FAM153A: variants seen among roughly 807,000 people sequenced by gnomAD.
The protein encoded by FAM153A is family with sequence similarity 153 member A.
Under a neutral mutation model 48.1 loss-of-function variants are expected in FAM153A, and 12 were observed. The ratio of observed to expected loss-of-function variants is 0.25; its 90% CI spans 0.16 to 0.40. The LOEUF (loss-of-function observed/expected upper bound fraction) is 0.40, where lower values mean the gene tolerates loss of function less well. FAM153A is among the 10% of genes least tolerant of loss of function. The pLI is 1.00. For synonymous variants in FAM153A, 36 were observed against 118.2 expected (o/e 0.30, Z 4.51); for missense variants, 111 against 345.8 (o/e 0.32, Z 5.38).
At chr5:177,782,928 C>T (rs1401303234), upstream of FAM153A, 1 of 93,780 alleles carries the variant, frequency 1.1e-5, no homozygotes, top group African/African-American at 4.2e-5. Flanking sequence ...CCCAGGACCA[C>T]GGACGGAAAA....
intron 2 of FAM153A, among the ~76,000 whole-genome samples, chr5:177,748,933 A>C (rs557539244): frequency 2.1e-5 from 3 of 144,348 alleles, no homozygotes; most frequent in Admixed American, 1.4e-4. Context: ...ACTGCGAAAA[A>C]GGCAGAGTTC....
the FAM153A span, among the ~76,000 whole-genome samples, chr5:177,700,142 T>A: frequency 6.6e-6 from 1 of 151,908 alleles, no homozygotes; most frequent in East Asian, 1.9e-4. Context: ...AAGCATTTGA[T>A]AAAATTCAAA....
At chr5:177,735,189 C>A (rs2014602) in intron 12 of FAM153A, among the ~76,000 whole-genome samples, 20,935 of 149,452 alleles carry the variant, frequency 0.14, 2,370 homozygotes, top group African/African-American at 0.27. Context: ...CCTAATCTGA[C>A]CTGAGCTAAC....
At chr5:177,699,063 G>A in the FAM153A span, among the ~76,000 whole-genome samples, 1 of 151,754 alleles carries the variant, frequency 6.6e-6, no homozygotes, top group Non-Finnish European at 1.5e-5. Context: ...AGCATCCCAA[G>A]TAGCTGGGTC....
intron 10 of FAM153A, among the ~76,000 whole-genome samples, chr5:177,737,482 C>T (rs1240919491): frequency 1.3e-5 from 2 of 151,096 alleles, no homozygotes; most frequent in Non-Finnish European, 2.9e-5. Flanking sequence ...CCAGGATCCA[C>T]ATGTCCTGCT....
In FAM153A at chr5:177,716,961, C is replaced by T. The variant is rs1456678413; in HGVS notation, c.*1151+202G>A. On this transcript the variant is annotated intron_variant and NMD_transcript_variant, in intron 24 of 26. Transcript: ENST00000360669. The stretch of plus-strand genomic sequence containing the variant: ...CCACAGTAGCATGCCACCATTCCCG[C>T]TTAGTGTGTGTGTGTGTGTGTGTGT... Among the ~76,000 whole-genome samples, 6 of 64,972 alleles carry T rather than the reference C, an allele frequency of 9.2e-5. No individual in the cohort carries two copies. The Admixed American group carries it at 1.0e-3, about 11-fold the overall frequency. 42.6% of individuals were successfully genotyped at this position (64,972 alleles called of 152,430 possible).
At chr5:177,761,511 C>T (rs1768318966) in intron 1 of FAM153A, among the ~76,000 whole-genome samples, 1 of 151,612 alleles carries the variant, frequency 6.6e-6, no homozygotes, top group African/African-American at 2.4e-5. Context: ...TGCCTCTGGC[C>T]TGGGCAACTG....
chr5:177,754,704 C>T (rs973033696), upstream of FAM153A, among the ~76,000 whole-genome samples: 10 of 151,932 alleles, frequency 6.6e-5, 1 homozygote, highest in African/African-American at 2.4e-4. Context: ...GCAGCCTCCA[C>T]TGCTGACACC....
rs1338507873 is a variant in FAM153A at position 177,768,914 on chromosome 5, C to T, written c.-57+11535G>A. On this transcript the variant is annotated intron_variant, in intron 1 of 8. Transcript: ENST00000393518. ...ATTACATGGGCATTGTATCACTTCA[C>T]ATCATCACAAGAAAAAGGGTGAGAA... is the stretch of plus-strand genomic sequence containing the variant. Among the ~76,000 whole-genome samples the T allele has an allele frequency of 2.8e-5, 3 of 105,924 alleles. 1 individual carries two copies. Among genetic ancestry groups the T allele is most frequent in the Non-Finnish European group, 5.9e-5 (3 of 50,826 alleles). The allele number at this position is 105,924 out of a possible 152,430, so 69.5% of individuals were successfully genotyped here.
chr5:177,781,797 C>A (rs1462236951), upstream of FAM153A: 1 of 97,604 alleles, frequency 1.0e-5, no homozygotes. Flanking sequence ...CGGCTCACTG[C>A]AAGCTGCGCC....
rs578035054 is a variant in FAM153A at position 177,728,417 on chromosome 5, C to T, written c.964+606G>A. Among the ~76,000 whole-genome samples, 583 of 149,292 alleles carry T rather than the reference C, an allele frequency of 3.9e-3. 23 individuals are homozygous for T. Among genetic ancestry groups the T allele is most frequent in the African/African-American group, 0.014 (551 of 39,416 alleles). On this transcript the variant is annotated intron_variant, in intron 18 of 20. Transcript: ENST00000614127. ...GGAAATGCACACACACTCACAAAGA[C>T]ATCCACAATCATTCCATATAGACTC...
At chr5:177,698,788 A>G in the FAM153A span, among the ~76,000 whole-genome samples, 1 of 150,896 alleles carries the variant, frequency 6.6e-6, no homozygotes, top group African/African-American at 2.5e-5. Flanking sequence ...CATCCTGAGT[A>G]GCTGGGACCA....
downstream of FAM153A, among the ~76,000 whole-genome samples, chr5:177,704,985 A>G (rs1197243793): frequency 6.7e-6 from 1 of 149,476 alleles, no homozygotes; most frequent in African/African-American, 2.5e-5. Context: ...TGGGTGACAG[A>G]GCGAGACTCC....
chr5:177,711,093 A>G lies in FAM153A; in HGVS notation c.*3469T>C, dbSNP rs1027353802. The G allele has an allele frequency of 5.9e-5, 9 of 152,024 alleles. 1 individual carries two copies. Among genetic ancestry groups the G allele is most frequent in the African/African-American group, 2.2e-4 (9 of 41,346 alleles). The allele number at this position is 152,024 out of a possible 1,614,324, so 9.4% of individuals were successfully genotyped here. ...CATAGCAATGTTTAATGCTAGAAAA[A>G]ATGGAATAATATGACACATATGTGT... On this transcript the variant is annotated 3_prime_UTR_variant and NMD_transcript_variant, in exon 27 of 27. Transcript: ENST00000360669.
At chr5:177,706,861 T>C (rs1312176556), downstream of FAM153A, 1 of 151,904 alleles carries the variant, frequency 6.6e-6, no homozygotes, top group Non-Finnish European at 1.5e-5. Context: ...ATGAAGATGA[T>C]AAGAAATGAA....
At chr5:177,702,712 A>G in the FAM153A span, among the ~76,000 whole-genome samples, 1 of 151,846 alleles carries the variant, frequency 6.6e-6, no homozygotes. Context: ...TGCTCCCTGC[A>G]TCTCAGCCTA....
At chr5:177,746,654 C>A (rs923233440) in intron 4 of FAM153A, among the ~76,000 whole-genome samples, 3 of 149,776 alleles carry the variant, frequency 2.0e-5, no homozygotes, top group African/African-American at 7.4e-5. Flanking sequence ...TTTCTTTTAA[C>A]ACTGTGTGTG....
At chr5:177,771,118 A>G (rs940221209) in intron 1 of FAM153A, among the ~76,000 whole-genome samples, 4 of 98,136 alleles carry the variant, frequency 4.1e-5, no homozygotes, top group African/African-American at 1.2e-4. Flanking sequence ...TATAGAAAAT[A>G]CATAAAACAA....
At chr5:177,738,933 C>T (rs868007155) in intron 10 of FAM153A, among the ~76,000 whole-genome samples, 180 bp downstream of exon 12, 1 of 150,354 alleles carries the variant, frequency 6.7e-6, no homozygotes, top group Non-Finnish European at 1.5e-5. Context: ...CGGCAGCTAA[C>T]AGAGACTACG....
Sources: allele counts gnomAD v4.1 joint callset (sites outside exome capture counted in the v4.1 genomes callset), GRCh38; gene constraint gnomAD v4.1.1; transcripts MANE v1.5; gene names NCBI Gene and HGNC (gene_info 2026-07-23, HGNC 2026-07-21).